The following FMNL2 variants were observed in gnomAD, a reference collection of about 807,000 sequenced individuals.
FMNL2 encodes the protein formin-like protein 2.
FMNL2 carries 51 observed loss-of-function variants against 130.2 expected under a neutral mutation model. That is an observed-to-expected ratio of 0.39 (90% CI 0.31 to 0.49). The LOEUF is 0.49. FMNL2 is among the 20% of genes least tolerant of loss of function. FMNL2 has a pLI of 0.85. For synonymous variants in FMNL2, 465 were observed against 467.1 expected, an observed-to-expected ratio of 1.00 and a Z score of 0.06; for missense variants, 977 against 1,316.2, an observed-to-expected ratio of 0.74 and a Z score of 3.99.
At chr2:152,396,412 A>G (rs1325448755) in intron 1 of FMNL2, among the ~76,000 whole-genome samples, 1 of 152,232 alleles carries the variant, frequency 6.6e-6, no homozygotes, top group Non-Finnish European at 1.5e-5. Context: ...CAGTCTTGTC[A>G]TTGACCAGTT....
chr2:152,592,492 T>A (rs936252758), intron 9 of FMNL2, among the ~76,000 whole-genome samples: 5 of 152,214 alleles, frequency 3.3e-5, no homozygotes, highest in African/African-American at 7.2e-5. Flanking sequence ...AAAGAAAGCA[T>A]GAGCAGAGTT....
At chr2:152,418,717 A>G (rs138546216) in intron 1 of FMNL2, among the ~76,000 whole-genome samples, 1 of 152,240 alleles carries the variant, frequency 6.6e-6, no homozygotes, top group South Asian at 2.1e-4. Context: ...ATTGATGGAC[A>G]TATGAGTTGT....
At chr2:152,581,106 T>C in intron 9 of FMNL2, 57 bp downstream of exon 9, 1 of 1,463,342 alleles carries the variant, frequency 6.8e-7, no homozygotes, top group Non-Finnish European at 9.5e-7. Context: ...TTGGACATCT[T>C]TGAACGGAAT....
At chr2:152,614,803 T>G in intron 11 of FMNL2, 48 bp from the exon 12 acceptor site, 2 of 1,540,452 alleles carry the variant, frequency 1.3e-6, no homozygotes, top group Non-Finnish European at 1.7e-6. Context: ...TGATGTTCTA[T>G]TTCCATAGAT....
intron 1 of FMNL2, among the ~76,000 whole-genome samples, chr2:152,392,339 G>A (rs1685160451): frequency 6.6e-6 from 1 of 152,134 alleles, no homozygotes; most frequent in African/African-American, 2.4e-5. Flanking sequence ...CAGTGGGAAT[G>A]CATTTTTCAT....
chr2:152,535,680 G>A (rs186639684), intron 2 of FMNL2, among the ~76,000 whole-genome samples: 46 of 152,308 alleles, frequency 3.0e-4, no homozygotes, highest in African/African-American at 1.1e-3. Flanking sequence ...GCAGGGGCTT[G>A]TTTAGCAAGA....
At chr2:152,430,570 G>A (rs1309464292) in intron 1 of FMNL2, among the ~76,000 whole-genome samples, 1 of 152,122 alleles carries the variant, frequency 6.6e-6, no homozygotes, top group African/African-American at 2.4e-5. Context: ...TTCTTTAAAG[G>A]TTGATTAAAG....
intron 1 of FMNL2, among the ~76,000 whole-genome samples, chr2:152,472,672 T>G (rs1689924668): frequency 6.6e-6 from 1 of 152,196 alleles, no homozygotes; most frequent in Admixed American, 6.5e-5. Flanking sequence ...CTCCAGGCAA[T>G]TCAGATAAGG....
chr2:152,358,036 G>A (rs567906391), intron 1 of FMNL2, among the ~76,000 whole-genome samples: 1 of 152,296 alleles, frequency 6.6e-6, no homozygotes, highest in Non-Finnish European at 1.5e-5. Flanking sequence ...AGCTGCCAGT[G>A]TGGCTAGAAT....
chr2:152,522,159 G>T, intron 2 of FMNL2, 133 bp downstream of exon 2: 1 of 693,506 alleles, frequency 1.4e-6, no homozygotes, highest in Non-Finnish European at 2.4e-6. Flanking sequence ...GAAAAAAGAA[G>T]AGAACTTCAG....
At chr2:152,565,130 G>C (rs931360854) in intron 6 of FMNL2, among the ~76,000 whole-genome samples, 1 of 152,172 alleles carries the variant, frequency 6.6e-6, no homozygotes, top group African/African-American at 2.4e-5. Context: ...GAAGACAAAG[G>C]CTGTGTTATT....
chr2:152,569,196 A>G (rs556090947), intron 6 of FMNL2, among the ~76,000 whole-genome samples: 2 of 149,238 alleles, frequency 1.3e-5, no homozygotes, highest in East Asian at 2.0e-4. Flanking sequence ...AACTAGCTTT[A>G]TACATAATTC....
intron 1 of FMNL2, among the ~76,000 whole-genome samples, chr2:152,344,924 A>C (rs1436080240): frequency 6.6e-6 from 1 of 152,244 alleles, no homozygotes; most frequent in African/African-American, 2.4e-5. Flanking sequence ...GAATAGAAAG[A>C]TAAATAGGAT....
intron 7 of FMNL2, among the ~76,000 whole-genome samples, chr2:152,578,302 A>G (rs779526618): frequency 2.0e-5 from 3 of 152,186 alleles, no homozygotes; most frequent in Non-Finnish European, 4.4e-5. Context: ...AAATCTGTAT[A>G]TAACTGGAGA....
chr2:152,423,516 C>G (rs1378799153), intron 1 of FMNL2, among the ~76,000 whole-genome samples: 8 of 152,104 alleles, frequency 5.3e-5, no homozygotes, highest in Non-Finnish European at 5.9e-5. Context: ...AGAGTAAAAG[C>G]CAGTACCTTC....
At chr2:152,444,473 T>A (rs1357060745) in intron 1 of FMNL2, among the ~76,000 whole-genome samples, 10 of 152,214 alleles carry the variant, frequency 6.6e-5, no homozygotes, top group Non-Finnish European at 4.4e-5. Context: ...CATGAAAGAT[T>A]TATTCCTTTG....
At position 152,637,688 on chromosome 2, in the gene FMNL2, C is replaced by G. The variant is rs767877264; in HGVS notation, c.2946+14C>G. 1.9e-6 allele frequency: 3 copies of G among 1,605,396 alleles called. No individual in the cohort carries two copies. The highest frequency in any genetic ancestry group is 1.7e-6 in the Non-Finnish European group (2 of 1,172,904). On this transcript the variant is annotated intron_variant, in intron 23 of 25. Transcript: ENST00000288670. ...AAAGCATATAAGGTATATGTTAAGGCCCTCCTTGCCCTTATTTCTCAAGCA... is the reference window on the plus strand; with the variant it reads ...AAAGCATATAAGGTATATGTTAAGGGCCTCCTTGCCCTTATTTCTCAAGCA...
At chr2:152,464,451 C>T (rs1018886599) in intron 1 of FMNL2, among the ~76,000 whole-genome samples, 1 of 152,226 alleles carries the variant, frequency 6.6e-6, no homozygotes, top group African/African-American at 2.4e-5. Context: ...AGGTCTCTCT[C>T]TAGCTCCTCA....
At chr2:152,375,875 C>CTATATATATA (rs71394478) in intron 1 of FMNL2, among the ~76,000 whole-genome samples, 26 of 112,826 alleles carry the variant, frequency 2.3e-4, no homozygotes, top group African/African-American at 6.3e-4. Flanking sequence ...CTCTCTCTCT[C>CTATATATATA]TCTATATATA....
Sources: gnomAD v4.1 joint callset for allele counts (sites outside exome capture counted in the v4.1 genomes callset) on GRCh38, gnomAD v4.1.1 for gene constraint, MANE v1.5 for transcripts, NCBI Gene and HGNC (gene_info 2026-07-23, HGNC 2026-07-21) for gene names.